Variants in NCKAP5 observed in about 807,000 individuals in gnomAD.
The protein encoded by NCKAP5 is nck-associated protein 5.
NCKAP5 carries 92 observed loss-of-function variants against 167.0 expected under a neutral mutation model. That is an observed-to-expected ratio of 0.55 (90% CI 0.47 to 0.66). The LOEUF is 0.66. Among genes scored for constraint, NCKAP5 ranks in the 30% least tolerant of loss-of-function variants. The pLI is 0.00. For synonymous variants in NCKAP5, 891 were observed against 877.4 expected (o/e 1.02, Z -0.27); for missense variants, 2,378 against 2,315.0 (o/e 1.03, Z -0.56).
intron 3 of NCKAP5, among the ~76,000 whole-genome samples, chr2:133,365,698 A>G (rs1397957048): frequency 1.3e-5 from 2 of 152,228 alleles, no homozygotes; most frequent in African/African-American, 4.8e-5. Flanking sequence ...CTGTGAATAC[A>G]TTGAAGGCCA....
At chr2:133,574,072 T>G in the NCKAP5 span, among the ~76,000 whole-genome samples, 1 of 152,284 alleles carries the variant, frequency 6.6e-6, no homozygotes, top group African/African-American at 2.4e-5. Flanking sequence ...AATTTTCACC[T>G]GATTCTGGGA....
At chr2:133,646,730 C>A in the NCKAP5 span, among the ~76,000 whole-genome samples, 33 of 152,030 alleles carry the variant, frequency 2.2e-4, 1 homozygote, top group African/African-American at 7.7e-4. Flanking sequence ...GGGTAAATCA[C>A]TTTTAATTCT....
intron 6 of NCKAP5, among the ~76,000 whole-genome samples, chr2:133,005,996 C>A (rs1259540606): frequency 6.6e-6 from 1 of 152,126 alleles, no homozygotes; most frequent in African/African-American, 2.4e-5. Context: ...GTGGCTCACA[C>A]TAGTAATCCC....
intron 3 of NCKAP5, among the ~76,000 whole-genome samples, chr2:133,352,910 G>A (rs571969409): frequency 2.0e-5 from 3 of 152,328 alleles, no homozygotes; most frequent in Admixed American, 1.3e-4. Context: ...TTGTCCAGAT[G>A]TTGGCAAAAT....
At chr2:132,684,237 A>T (rs1019454398) in intron 19 of NCKAP5, among the ~76,000 whole-genome samples, 3 of 152,250 alleles carry the variant, frequency 2.0e-5, no homozygotes, top group African/African-American at 7.2e-5. Flanking sequence ...CTGTGTAAAC[A>T]CAATGCGATT....
At chr2:133,632,023 T>C in the NCKAP5 span, among the ~76,000 whole-genome samples, 1 of 152,350 alleles carries the variant, frequency 6.6e-6, no homozygotes, top group Admixed American at 6.5e-5. Flanking sequence ...CACCACAGCC[T>C]GGTCTCAGCT....
At chr2:133,192,040 C>G (rs915549118) in intron 5 of NCKAP5, among the ~76,000 whole-genome samples, 1 of 151,944 alleles carries the variant, frequency 6.6e-6, no homozygotes, top group African/African-American at 2.4e-5. Flanking sequence ...CTACTAAATT[C>G]CATGACTTAT....
intron 2 of NCKAP5, among the ~76,000 whole-genome samples, chr2:133,525,926 T>A (rs1684833118): frequency 6.6e-6 from 1 of 152,058 alleles, no homozygotes; most frequent in South Asian, 2.1e-4. Context: ...TCTAGTTTCC[T>A]CACTGATAAA....
chr2:132,966,458 T>C (rs1015944900), intron 7 of NCKAP5, among the ~76,000 whole-genome samples: 3 of 152,226 alleles, frequency 2.0e-5, no homozygotes, highest in African/African-American at 7.2e-5. Context: ...AACTCCTAAA[T>C]GAGGCTAATG....
chr2:132,928,279 C>T (rs192651720), intron 8 of NCKAP5, among the ~76,000 whole-genome samples: 1 of 152,154 alleles, frequency 6.6e-6, no homozygotes. Flanking sequence ...TCCTGAAGCT[C>T]TTAAAACAAC....
chr2:133,150,942 T>A (rs1204275895), intron 5 of NCKAP5, among the ~76,000 whole-genome samples: 1 of 152,118 alleles, frequency 6.6e-6, no homozygotes. Context: ...AATCTCACAA[T>A]GTTGAGTGAG....
intron 7 of NCKAP5, among the ~76,000 whole-genome samples, chr2:132,988,473 A>T (rs2077359977): frequency 6.6e-6 from 1 of 151,584 alleles, no homozygotes; most frequent in South Asian, 2.1e-4. Flanking sequence ...AAAAAAAAAA[A>T]AAAAAAAAAA....
intron 2 of NCKAP5, among the ~76,000 whole-genome samples, chr2:133,533,742 TTAAA>T (rs1415363706): frequency 6.2e-4 from 94 of 152,198 alleles, no homozygotes; most frequent in Non-Finnish European, 5.9e-5. Context: ...TCTTCTTACA[TTAAA>T]ATTAAAATTA....
At chr2:133,566,646 T>C (rs966109406) in intron 1 of NCKAP5, among the ~76,000 whole-genome samples, 1 of 152,202 alleles carries the variant, frequency 6.6e-6, no homozygotes, top group Non-Finnish European at 1.5e-5. Context: ...ACTTGAGAAG[T>C]GGGACACATG....
At chr2:132,918,465 T>C (rs974782342) in intron 8 of NCKAP5, among the ~76,000 whole-genome samples, 1 of 151,940 alleles carries the variant, frequency 6.6e-6, no homozygotes, top group Non-Finnish European at 1.5e-5. Flanking sequence ...TCATGGTACA[T>C]TCAGCATATA....
rs150258355 is a variant in NCKAP5 at position 132,720,800 on chromosome 2, C to T, written c.5713+4827G>A. 7.8e-3 allele frequency among the ~76,000 whole-genome samples: 1,178 copies of T among 151,978 alleles called. 12 individuals are homozygous for T. Among genetic ancestry groups the T allele is most frequent in the Non-Finnish European group, 0.013 (916 of 67,932 alleles). ...AAGGCAGGAGGATCACCTAAGGTCA[C>T]GAGTTCGAGACCAGCCTGGCCAACA... On this transcript the variant is annotated intron_variant, in intron 19 of 19. Transcript: ENST00000409261.
At chr2:133,340,544 T>G (rs191189747) in intron 3 of NCKAP5, among the ~76,000 whole-genome samples, 59 of 152,290 alleles carry the variant, frequency 3.9e-4, no homozygotes, top group African/African-American at 1.3e-3. Context: ...CTTACAACAG[T>G]GGCTCTGGAT....
At chr2:133,337,565 G>A (rs144129843) in intron 3 of NCKAP5, among the ~76,000 whole-genome samples, 61 of 152,250 alleles carry the variant, frequency 4.0e-4, no homozygotes, top group African/African-American at 1.3e-3. Flanking sequence ...GTTAGGGTGG[G>A]CCCTAATCCA....
chr2:132,980,442 C>T (rs147817993), intron 7 of NCKAP5, among the ~76,000 whole-genome samples: 424 of 152,226 alleles, frequency 2.8e-3, no homozygotes, highest in African/African-American at 9.8e-3. Context: ...TTTAACTCTC[C>T]GGATGATTCC....
Sources: allele counts gnomAD v4.1 joint callset (sites outside exome capture counted in the v4.1 genomes callset), GRCh38; gene constraint gnomAD v4.1.1; transcripts MANE v1.5; gene names NCBI Gene and HGNC (gene_info 2026-07-23, HGNC 2026-07-21).